TCF4: variants seen among roughly 807,000 people sequenced by gnomAD.
The protein encoded by TCF4 is transcription factor 4.
TCF4 carries 3 observed loss-of-function variants against 82.1 expected under a neutral mutation model. The ratio of observed to expected loss-of-function variants is 0.04; its 90% CI spans 0.02 to 0.09. TCF4 has a LOEUF of 0.09. Among genes scored for constraint, TCF4 ranks in the 10% least tolerant of loss-of-function variants. The pLI, the probability that TCF4 is intolerant of heterozygous loss-of-function variation, is 1.00. For missense variants in TCF4, 518 were observed against 852.7 expected (o/e 0.61, Z 4.89); for synonymous variants, 276 against 309.6 (o/e 0.89, Z 1.14).
intron 10 of TCF4, among the ~76,000 whole-genome samples, chr18:55,275,275 GAAA>G (rs533160424): frequency 1.4e-5 from 1 of 71,376 alleles, no homozygotes; most frequent in African/African-American, 5.2e-5. Flanking sequence ...ACTACAGATA[GAAA>G]AAAAAAAAAA....
intron 5 of TCF4, among the ~76,000 whole-genome samples, chr18:55,425,740 G>C (rs2094952244): frequency 6.6e-6 from 1 of 152,126 alleles, no homozygotes; most frequent in African/African-American, 2.4e-5. Context: ...TCTAGCTCAA[G>C]ATCAAAGGAA....
intron 6 of TCF4, among the ~76,000 whole-genome samples, chr18:55,370,323 T>C (rs1210456696): frequency 2.0e-5 from 3 of 152,104 alleles, no homozygotes; most frequent in Non-Finnish European, 2.9e-5. Flanking sequence ...AGAGGATCAC[T>C]TGAGTCTGGG....
At chr18:55,341,193 TG>T (rs2079875397) in intron 8 of TCF4, among the ~76,000 whole-genome samples, 1 of 152,182 alleles carries the variant, frequency 6.6e-6, no homozygotes, top group Admixed American at 6.5e-5. Context: ...GACAGCACTA[TG>T]GTTAAGAACA....
rs112927066 is a variant in TCF4 at position 55,392,712 on chromosome 18, T to G, written c.369+10742A>C. 5.3e-3 allele frequency among the ~76,000 whole-genome samples: 806 copies of G among 152,292 alleles called. 2 individuals carry two copies. The highest frequency in any genetic ancestry group is 9.3e-3 in the Non-Finnish European group (630 of 68,020). On this transcript the variant is annotated intron_variant, in intron 6 of 19. Transcript: ENST00000354452. ...TGTTGTTTTGTTTTGTTTTTTTAAC[T>G]AAGAAACTATAGATAAGGAACCTGC...
intron 6 of TCF4, among the ~76,000 whole-genome samples, chr18:55,368,883 G>A (rs1375210464): frequency 6.6e-6 from 1 of 152,218 alleles, no homozygotes; most frequent in African/African-American, 2.4e-5. Context: ...AGGAACGTCA[G>A]TTCTTAATGC....
At chr18:55,467,450 G>C (rs1272453678) in intron 3 of TCF4, among the ~76,000 whole-genome samples, 1 of 152,024 alleles carries the variant, frequency 6.6e-6, no homozygotes, top group Non-Finnish European at 1.5e-5. Flanking sequence ...TCTGGGGGTG[G>C]GGCTGAGAAA....
At chr18:55,228,770 A>C in intron 18 of TCF4, 77 bp downstream of exon 18, 1 of 1,471,220 alleles carries the variant, frequency 6.8e-7, no homozygotes, top group East Asian at 2.3e-5. Context: ...CCACTGCTCA[A>C]GACTGGCGTG....
At chr18:55,306,126 A>C (rs72925079) in intron 8 of TCF4, among the ~76,000 whole-genome samples, 10,183 of 152,230 alleles carry the variant, frequency 0.067, 460 homozygotes, top group South Asian at 0.18. Context: ...TGAAATTGGG[A>C]AGTGAATTAT....
chr18:55,448,084 T>C (rs746472134), intron 5 of TCF4, among the ~76,000 whole-genome samples: 1 of 152,190 alleles, frequency 6.6e-6, no homozygotes, highest in Non-Finnish European at 1.5e-5. Context: ...CTATGCAGTG[T>C]TTTGCCACCT....
chr18:55,540,566 T>C (rs771541817), intron 3 of TCF4, among the ~76,000 whole-genome samples: 1 of 152,074 alleles, frequency 6.6e-6, no homozygotes, highest in Admixed American at 6.6e-5. Context: ...TCTGAGGAGT[T>C]ATAAAAAACA....
At position 55,242,610 on chromosome 18, in the gene TCF4, A is replaced by ATT. The variant is rs35918728; in HGVS notation, c.1351-7929_1351-7928dup. 3.2e-3 allele frequency among the ~76,000 whole-genome samples: 457 copies of ATT among 142,590 alleles called. 3 individuals are homozygous for ATT. Among genetic ancestry groups the ATT allele is most frequent in the African/African-American group, 0.011 (437 of 38,886 alleles). 93.5% of individuals were successfully genotyped at this position (142,590 alleles called of 152,430 possible). A position where few individuals can be genotyped will look rare whatever the true frequency, so the allele number is the denominator to read the frequency against. ...CACGTCTATGACTTTGCAGGCACTG[A>ATT]TTTTTTTTTTTTTTTTTAAGATGGA... On this transcript the variant is annotated intron_variant, in intron 15 of 19. Transcript: ENST00000354452.
At chr18:55,249,597 G>A (rs2054381991) in intron 15 of TCF4, among the ~76,000 whole-genome samples, 1 of 152,230 alleles carries the variant, frequency 6.6e-6, no homozygotes, top group Admixed American at 6.5e-5. Flanking sequence ...CTGGCAGGGA[G>A]CAATCTGCTT....
At chr18:55,251,851 A>G (rs1474166697) in intron 15 of TCF4, among the ~76,000 whole-genome samples, 4 of 150,906 alleles carry the variant, frequency 2.7e-5, no homozygotes, top group Admixed American at 2.0e-4. Flanking sequence ...AGCCTGTTTC[A>G]TGTATTAAAA....
At chr18:55,490,167 AAG>A (rs2096561039) in intron 3 of TCF4, among the ~76,000 whole-genome samples, 2 of 152,236 alleles carry the variant, frequency 1.3e-5, no homozygotes, top group South Asian at 4.1e-4. Flanking sequence ...AAATTAAAAT[AAG>A]AGTTGTGTGA....
intron 8 of TCF4, among the ~76,000 whole-genome samples, chr18:55,296,331 G>C (rs1319017404): frequency 6.6e-6 from 1 of 152,144 alleles, no homozygotes; most frequent in Admixed American, 6.5e-5. Flanking sequence ...TTCTGCTCCT[G>C]TACTTAAAGC....
intron 5 of TCF4, chr18:55,423,559 G>A (rs1183072285): frequency 6.6e-6 from 1 of 152,162 alleles, no homozygotes; most frequent in Non-Finnish European, 1.5e-5. Flanking sequence ...AAGTGAAGAT[G>A]ACAAAACATA....
intron 5 of TCF4, among the ~76,000 whole-genome samples, chr18:55,407,839 C>T (rs1384360411): frequency 1.3e-5 from 2 of 151,782 alleles, no homozygotes; most frequent in African/African-American, 2.4e-5. Flanking sequence ...ATTTTTCTTC[C>T]GATACATCCA....
chr18:55,472,231 G>T (rs2096199396), intron 3 of TCF4, among the ~76,000 whole-genome samples: 1 of 152,038 alleles, frequency 6.6e-6, no homozygotes, highest in African/African-American at 2.4e-5. Flanking sequence ...AAATGAAGTG[G>T]GTAACTGTTA....
rs148720384 is a variant in TCF4, at chr18:55,429,257, G to A, written c.305-25739C>T. 1.4e-3 allele frequency among the ~76,000 whole-genome samples: 207 copies of A among 152,332 alleles called. 1 individual carries two copies. The highest frequency in any genetic ancestry group is 3.8e-3 in the African/African-American group (158 of 41,588). On this transcript the variant is annotated intron_variant, in intron 5 of 19. Coordinates refer to ENST00000354452, the MANE Select transcript of TCF4 (RefSeq NM_001083962.2). ...GGCCATCCACACAACACCAGGACCAGAAATTTCATGGAGTCTTCTCCTCTA... is the reference window on the plus strand; with the variant it reads ...GGCCATCCACACAACACCAGGACCAAAAATTTCATGGAGTCTTCTCCTCTA...
Sources: gnomAD v4.1 joint callset for allele counts (sites outside exome capture counted in the v4.1 genomes callset) on GRCh38, gnomAD v4.1.1 for gene constraint, MANE v1.5 for transcripts, NCBI Gene and HGNC (gene_info 2026-07-23, HGNC 2026-07-21) for gene names.